The following SV2C variants were observed in gnomAD, a reference collection of about 807,000 sequenced individuals.
SV2C encodes the protein solute carrier family 22 member B3.
Under a neutral mutation model 79.7 loss-of-function variants are expected in SV2C, and 49 were observed. The observed-to-expected ratio is 0.61, with a 90% confidence interval of 0.49 to 0.78. The LOEUF (loss-of-function observed/expected upper bound fraction) is 0.78. Among genes scored for constraint, SV2C ranks in the 30% least tolerant of loss-of-function variants. The pLI is 0.00. For synonymous variants in SV2C, 334 were observed against 333.2 expected (o/e 1.00, Z -0.03); for missense variants, 833 against 912.9 (o/e 0.91, Z 1.13).
the SV2C span, among the ~76,000 whole-genome samples, chr5:76,031,481 C>T: frequency 6.6e-6 from 1 of 152,210 alleles, no homozygotes; most frequent in East Asian, 1.9e-4. Flanking sequence ...CTGCCAGGGG[C>T]TGCTCCCAGG....
chr5:76,150,671 TCTGTTGCCCAGGCTGG>T lies in SV2C; in HGVS notation c.580+18342_580+18357del, dbSNP rs532129099. On this transcript the variant is annotated intron_variant, in intron 2 of 12. Coordinates refer to ENST00000502798, the MANE Select transcript of SV2C (RefSeq NM_014979.4). Reference sequence around the variant, plus strand: ...TTTTTTTTTTGAGACCAGGTGTCACTCTGTTGCCCAGGCTGGAGTGCAGTGGCACAATCATGGCTCA... The same window carrying T: ...TTTTTTTTTTGAGACCAGGTGTCACTAGTGCAGTGGCACAATCATGGCTCA... 5.0e-3 allele frequency among the ~76,000 whole-genome samples: 627 copies of T among 125,962 alleles called. 1 individual carries two copies. The highest frequency in any genetic ancestry group is 0.018 in the Middle Eastern group (4 of 224). The allele number at this position is 125,962 out of a possible 152,430, so 82.6% of individuals were successfully genotyped here.
At chr5:76,275,739 T>C (rs2937749) in intron 4 of SV2C, among the ~76,000 whole-genome samples, 1 of 152,170 alleles carries the variant, frequency 6.6e-6, no homozygotes, top group Non-Finnish European at 1.5e-5. Flanking sequence ...TTATTATTCA[T>C]GACATATAAT....
chr5:75,942,288 C>T, the SV2C span, among the ~76,000 whole-genome samples: 4 of 152,166 alleles, frequency 2.6e-5, no homozygotes, highest in Admixed American at 2.6e-4. Flanking sequence ...GTAAGGGTTT[C>T]CCTGAGTTCT....
the SV2C span, among the ~76,000 whole-genome samples, chr5:76,067,091 A>G: frequency 2.6e-5 from 4 of 152,198 alleles, no homozygotes; most frequent in Non-Finnish European, 5.9e-5. Flanking sequence ...TAACTAATAC[A>G]TAATTTTCCC....
At chr5:75,949,249 A>T in the SV2C span, among the ~76,000 whole-genome samples, 1 of 152,134 alleles carries the variant, frequency 6.6e-6, no homozygotes, top group Non-Finnish European at 1.5e-5. Flanking sequence ...ACTGTGAGCC[A>T]ATTAAACCTC....
In SV2C at chr5:76,194,925, T is replaced by C; in HGVS notation, c.587T>C (p.Ile196Thr). 2.5e-6 allele frequency: 4 copies of C among 1,613,944 alleles called. No homozygotes were observed. The African/African-American group carries it at 4.0e-5, about 16-fold the overall frequency. The change falls in exon 3 of 13, where the codon ATA becomes ACA. Residue 196 changes from isoleucine (I) to threonine (T), a missense_variant. Coordinates refer to ENST00000502798, the MANE Select transcript of SV2C (RefSeq NM_014979.4). ...PNSGSGWLGS[I>T]VYLGMMVGAF... Reference sequence around the variant, plus strand: ...TGTTTTCTGTGTGTTGCAGGCAGCATAGTGTACCTCGGGATGATGGTGGGG... The same window carrying C: ...TGTTTTCTGTGTGTTGCAGGCAGCACAGTGTACCTCGGGATGATGGTGGGG...
At chr5:75,889,802 G>A in the SV2C span, among the ~76,000 whole-genome samples, 1 of 152,200 alleles carries the variant, frequency 6.6e-6, no homozygotes, top group East Asian at 1.9e-4. Flanking sequence ...TTCAAAGATT[G>A]TAAAACAGAA....
intron 8 of SV2C, among the ~76,000 whole-genome samples, chr5:76,295,499 G>A (rs10942765): frequency 0.095 from 14,462 of 152,216 alleles, 725 homozygotes; most frequent in Admixed American, 0.14. Flanking sequence ...TATGGGCATA[G>A]GATCGGATGC....
intron 1 of SV2C, among the ~76,000 whole-genome samples, chr5:76,120,529 C>A (rs572469216): frequency 4.1e-4 from 48 of 117,014 alleles, no homozygotes; most frequent in Middle Eastern, 4.3e-3. Context: ...CCCCCCACCC[C>A]ACAACAGTCC....
At chr5:76,014,556 C>T in the SV2C span, among the ~76,000 whole-genome samples, 2 of 152,144 alleles carry the variant, frequency 1.3e-5, no homozygotes, top group Non-Finnish European at 2.9e-5. Context: ...CCATCTTTCC[C>T]ACATATCCAT....
At chr5:76,290,008 CA>C (rs1436552315) in intron 6 of SV2C, among the ~76,000 whole-genome samples, 2 of 151,848 alleles carry the variant, frequency 1.3e-5, no homozygotes, top group Non-Finnish European at 2.9e-5. Context: ...AATGAACAAA[CA>C]AATATCGATG....
the SV2C span, among the ~76,000 whole-genome samples, chr5:76,016,859 C>T: frequency 1.3e-5 from 2 of 152,192 alleles, no homozygotes; most frequent in Non-Finnish European, 2.9e-5. Flanking sequence ...TTTTGCTTCA[C>T]TTCACTCAAA....
At chr5:75,920,527 T>A in the SV2C span, 1 of 438,810 alleles carries the variant, frequency 2.3e-6, no homozygotes, top group Admixed American at 3.9e-5. Context: ...AGGAAGCATG[T>A]CTGGTCACAC....
chr5:76,098,618 C>A (rs1747639751), intron 1 of SV2C, among the ~76,000 whole-genome samples: 1 of 152,214 alleles, frequency 6.6e-6, no homozygotes, highest in East Asian at 1.9e-4. Context: ...TCATGCCTGC[C>A]TTTTGGCATA....
chr5:76,147,164 T>C (rs1437731769), intron 2 of SV2C, among the ~76,000 whole-genome samples: 6 of 152,180 alleles, frequency 3.9e-5, no homozygotes, highest in African/African-American at 1.2e-4. Context: ...GTGAATGTAA[T>C]CAATACCATT....
intron 2 of SV2C, among the ~76,000 whole-genome samples, chr5:76,142,441 G>A (rs1016445073): frequency 6.6e-6 from 1 of 152,190 alleles, no homozygotes; most frequent in East Asian, 1.9e-4. Context: ...TGTAAATACA[G>A]ATTAGTTCAT....
intron 4 of SV2C, among the ~76,000 whole-genome samples, chr5:76,284,456 G>T (rs1043180518): frequency 3.3e-5 from 5 of 152,138 alleles, no homozygotes; most frequent in African/African-American, 1.2e-4. Flanking sequence ...CCGTGGAAAG[G>T]TGTTTAGCGA....
At chr5:75,942,167 AC>A in the SV2C span, among the ~76,000 whole-genome samples, 1 of 152,212 alleles carries the variant, frequency 6.6e-6, no homozygotes, top group Non-Finnish European at 1.5e-5. Context: ...CTCCATGGGG[AC>A]CGAAGCTCCT....
chr5:75,919,612 C>T, the SV2C span, among the ~76,000 whole-genome samples: 2 of 152,132 alleles, frequency 1.3e-5, no homozygotes, highest in African/African-American at 4.8e-5. Context: ...TTATCATAAC[C>T]CTGCTCTCAT....
Sources: gnomAD v4.1 joint callset for allele counts (sites outside exome capture counted in the v4.1 genomes callset) on GRCh38, gnomAD v4.1.1 for gene constraint, MANE v1.5 for transcripts, NCBI Gene and HGNC (gene_info 2026-07-23, HGNC 2026-07-21) for gene names.